Variants in C1QTNF7 observed in about 807,000 individuals in gnomAD.
C1QTNF7 encodes the protein complement C1q tumor necrosis factor-related protein 7.
In C1QTNF7, 15 loss-of-function variants were observed where a neutral mutation model predicts 19.6. The ratio of observed to expected loss-of-function variants is 0.76; its 90% CI spans 0.51 to 1.18. The LOEUF is 1.18. Among genes scored for constraint, C1QTNF7 ranks in the 50% most tolerant of loss-of-function variants. The pLI is 0.00. For missense variants in C1QTNF7, 324 were observed against 359.7 expected, an observed-to-expected ratio of 0.90 and a Z score of 0.80; for synonymous variants, 142 against 137.5, an observed-to-expected ratio of 1.03 and a Z score of -0.23.
chr4:15,359,671 A>T (rs1717269087), intron 1 of C1QTNF7, among the ~76,000 whole-genome samples: 1 of 152,160 alleles, frequency 6.6e-6, no homozygotes, highest in Non-Finnish European at 1.5e-5. Context: ...TAGGACTACG[A>T]GATCTTTAAA....
chr4:15,420,329 G>A (rs13131227), intron 1 of C1QTNF7, among the ~76,000 whole-genome samples: 97,179 of 152,100 alleles, frequency 0.64, 32,152 homozygotes, highest in Non-Finnish European at 0.73. Context: ...AATTGCTTAG[G>A]AGTTCAGTCC....
intron 1 of C1QTNF7, among the ~76,000 whole-genome samples, chr4:15,382,891 C>T (rs2096363786): frequency 1.3e-5 from 2 of 152,188 alleles, no homozygotes; most frequent in African/African-American, 4.8e-5. Flanking sequence ...CATTTCCTGG[C>T]CCAAGTGCCG....
intron 1 of C1QTNF7, among the ~76,000 whole-genome samples, chr4:15,433,649 A>G (rs1297829180): frequency 6.6e-6 from 1 of 152,210 alleles, no homozygotes; most frequent in African/African-American, 2.4e-5. Context: ...CTAAATTTCA[A>G]CACACAAGTA....
chr4:15,346,422 A>C (rs186100949), intron 1 of C1QTNF7, among the ~76,000 whole-genome samples: 256 of 152,334 alleles, frequency 1.7e-3, no homozygotes, highest in African/African-American at 5.8e-3. Flanking sequence ...AATGATATAA[A>C]GTCATGGCTA....
chr4:15,340,181 G>A, exon 1 of C1QTNF7: 3 of 1,551,638 alleles, frequency 1.9e-6, no homozygotes, highest in African/African-American at 1.4e-5. Context: ...TTGGGGGAAA[G>A]TTTGATATCA....
intron 1 of C1QTNF7, among the ~76,000 whole-genome samples, chr4:15,363,849 C>T (rs758020960): frequency 1.3e-5 from 2 of 152,128 alleles, no homozygotes; most frequent in Admixed American, 1.3e-4. Context: ...AAGTGATATC[C>T]AGAAAGATGT....
At chr4:15,398,239 C>A (rs1718862051) in intron 1 of C1QTNF7, among the ~76,000 whole-genome samples, 1 of 152,080 alleles carries the variant, frequency 6.6e-6, no homozygotes, top group Non-Finnish European at 1.5e-5. Context: ...TCTTCCACAC[C>A]CAACTGGAAA....
At chr4:15,407,436 A>G (rs752635231) in intron 1 of C1QTNF7, among the ~76,000 whole-genome samples, 1 of 152,164 alleles carries the variant, frequency 6.6e-6, no homozygotes, top group Non-Finnish European at 1.5e-5. Flanking sequence ...GCTCTGCCTA[A>G]CTCCAAAGAC....
intron 1 of C1QTNF7, among the ~76,000 whole-genome samples, chr4:15,399,366 T>C (rs909597186): frequency 6.6e-6 from 1 of 152,114 alleles, no homozygotes; most frequent in African/African-American, 2.4e-5. Context: ...CCACCTACTG[T>C]AACACTTCCA....
intron 1 of C1QTNF7, among the ~76,000 whole-genome samples, chr4:15,390,445 C>T (rs577730276): frequency 1.3e-5 from 2 of 152,292 alleles, no homozygotes; most frequent in Non-Finnish European, 2.9e-5. Flanking sequence ...AAAAAACTGA[C>T]CATGAAATCA....
At chr4:15,349,824 C>T (rs1412228045) in intron 1 of C1QTNF7, among the ~76,000 whole-genome samples, 1 of 152,108 alleles carries the variant, frequency 6.6e-6, no homozygotes, top group Non-Finnish European at 1.5e-5. Flanking sequence ...AGAGTTCACT[C>T]AAATCCTATT....
At chr4:15,343,344 T>C (rs1716611885) in intron 1 of C1QTNF7, among the ~76,000 whole-genome samples, 1 of 152,184 alleles carries the variant, frequency 6.6e-6, no homozygotes, top group African/African-American at 2.4e-5. Flanking sequence ...TTAATTGAAA[T>C]GTACTAATCT....
intron 1 of C1QTNF7, among the ~76,000 whole-genome samples, chr4:15,349,413 A>G (rs185421178): frequency 6.6e-6 from 1 of 152,204 alleles, no homozygotes; most frequent in Non-Finnish European, 1.5e-5. Flanking sequence ...TGCCCGGGAT[A>G]TAGTAGAAAC....
intron 1 of C1QTNF7, chr4:15,374,620 A>G (rs1717859547): frequency 4.1e-6 from 4 of 985,362 alleles, no homozygotes; most frequent in East Asian, 1.1e-4. Context: ...CGCTTTTGAA[A>G]GCGAATCAGG....
intron 1 of C1QTNF7, among the ~76,000 whole-genome samples, chr4:15,384,280 A>G (rs1718252168): frequency 6.6e-6 from 1 of 152,232 alleles, no homozygotes; most frequent in Non-Finnish European, 1.5e-5. Context: ...AAGGAAGTAT[A>G]TATTCACTTC....
intron 1 of C1QTNF7, among the ~76,000 whole-genome samples, chr4:15,366,464 T>C (rs1246803703): frequency 2.0e-5 from 3 of 152,146 alleles, no homozygotes; most frequent in Non-Finnish European, 4.4e-5. Flanking sequence ...TGGAAAAAAA[T>C]GCACAGCCCA....
At chr4:15,351,603 C>T (rs758760154) in intron 1 of C1QTNF7, among the ~76,000 whole-genome samples, 27 of 152,182 alleles carry the variant, frequency 1.8e-4, no homozygotes, top group South Asian at 2.1e-4. Context: ...GCCCAAGCGG[C>T]GCCCGAGACT....
At chr4:15,374,535 G>C in intron 1 of C1QTNF7, 1 of 983,338 alleles carries the variant, frequency 1.0e-6, no homozygotes, top group South Asian at 4.7e-5. Context: ...GGAGATCTGT[G>C]TAGGCCACAG....
intron 2 of C1QTNF7, among the ~76,000 whole-genome samples, chr4:15,441,223 A>C (rs1712745114): frequency 6.6e-6 from 1 of 152,208 alleles, no homozygotes; most frequent in Non-Finnish European, 1.5e-5. Flanking sequence ...GTCAGACCAC[A>C]GCTCCATCAT....
Sources: allele counts gnomAD v4.1 joint callset (sites outside exome capture counted in the v4.1 genomes callset), GRCh38; gene constraint gnomAD v4.1.1; transcripts MANE v1.5; gene names NCBI Gene and HGNC (gene_info 2026-07-23, HGNC 2026-07-21).